The following TBC1D5 variants were observed in gnomAD, a reference collection of about 807,000 sequenced individuals.
TBC1D5 encodes the protein TBC1 domain family member 5.
TBC1D5 carries 75 observed loss-of-function variants against 100.3 expected under a neutral mutation model. That is an observed-to-expected ratio of 0.75 (90% confidence interval 0.62 to 0.91). TBC1D5 has a LOEUF of 0.91. TBC1D5 is among the 40% of genes least tolerant of loss of function. The pLI, the probability that TBC1D5 is intolerant of heterozygous loss-of-function variation, is 0.00. For missense variants in TBC1D5, 910 were observed against 942.4 expected, an observed-to-expected ratio of 0.97 and a Z score of 0.45; for synonymous variants, 323 against 325.6, an observed-to-expected ratio of 0.99 and a Z score of 0.09.
chr3:17,491,384 G>C (rs991013584), intron 3 of TBC1D5, among the ~76,000 whole-genome samples: 6 of 152,144 alleles, frequency 3.9e-5, no homozygotes, highest in African/African-American at 1.4e-4. Flanking sequence ...TTCTTATCTT[G>C]TGCCGGTTTT....
At position 17,448,787 on chromosome 3, in the gene TBC1D5, T is replaced by G. The variant is rs1315715084; in HGVS notation, c.98-20268A>C. Among the ~76,000 whole-genome samples the G allele has an allele frequency of 3.1e-5, 4 of 127,338 alleles. No homozygotes were observed. The East Asian group carries it at 8.5e-4, about 27-fold the overall frequency. 83.5% of individuals were successfully genotyped at this position (127,338 alleles called of 152,430 possible). Reference sequence around the variant, plus strand: ...AGAGCACAGTGAGAGGAGATTTAATTAACTCTTAAGGGCCCTAGGATCCTC... The same window carrying G: ...AGAGCACAGTGAGAGGAGATTTAATGAACTCTTAAGGGCCCTAGGATCCTC... On this transcript the variant is annotated intron_variant, in intron 3 of 21. Transcript: ENST00000253692.
chr3:17,442,936 A>T (rs2094699098), intron 3 of TBC1D5, among the ~76,000 whole-genome samples: 1 of 151,968 alleles, frequency 6.6e-6, no homozygotes, highest in Non-Finnish European at 1.5e-5. Context: ...GGAAGAGGGA[A>T]ATAGAAGGAA....
chr3:17,639,995 C>G (rs559894948), intron 1 of TBC1D5, among the ~76,000 whole-genome samples: 1 of 152,288 alleles, frequency 6.6e-6, no homozygotes, highest in South Asian at 2.1e-4. Flanking sequence ...CATCCCTGCT[C>G]TAGCCCACTC....
intron 1 of TBC1D5, among the ~76,000 whole-genome samples, chr3:17,660,618 G>C (rs2066549238): frequency 6.6e-6 from 1 of 152,154 alleles, no homozygotes; most frequent in Non-Finnish European, 1.5e-5. Context: ...TGTTGTTCTA[G>C]CTATGGACAG....
intron 1 of TBC1D5, among the ~76,000 whole-genome samples, chr3:17,721,571 C>A (rs764031339): frequency 5.3e-5 from 8 of 151,912 alleles, no homozygotes; most frequent in African/African-American, 7.3e-5. Flanking sequence ...TCATAAGTGT[C>A]ATGAAAAATG....
intron 14 of TBC1D5, among the ~76,000 whole-genome samples, chr3:17,295,119 G>A (rs2082121853): frequency 6.6e-6 from 1 of 152,136 alleles, no homozygotes; most frequent in African/African-American, 2.4e-5. Flanking sequence ...GTATGTTTAT[G>A]CTTTAAAAAC....
At chr3:17,566,692 T>G (rs943459361) in intron 2 of TBC1D5, among the ~76,000 whole-genome samples, 4 of 151,906 alleles carry the variant, frequency 2.6e-5, no homozygotes, top group Non-Finnish European at 5.9e-5. Flanking sequence ...TCTGTTTTAC[T>G]GTCTGTATCC....
At chr3:17,382,921 T>C (rs1284660614) in intron 9 of TBC1D5, among the ~76,000 whole-genome samples, 1 of 152,074 alleles carries the variant, frequency 6.6e-6, no homozygotes, top group African/African-American at 2.4e-5. Flanking sequence ...AGACATGTTA[T>C]AGCTTTTGGT....
chr3:17,368,991 G>A (rs1316380405), intron 13 of TBC1D5, among the ~76,000 whole-genome samples: 1 of 152,096 alleles, frequency 6.6e-6, no homozygotes, highest in Non-Finnish European at 1.5e-5. Flanking sequence ...ATAAACAGTA[G>A]CACAGCAATT....
chr3:17,185,807 G>GC (rs2068974746), intron 18 of TBC1D5, among the ~76,000 whole-genome samples: 1 of 152,046 alleles, frequency 6.6e-6, no homozygotes, highest in South Asian at 2.1e-4. Context: ...TGCCTCAGCA[G>GC]CCCATAAATT....
Position 17,297,887 on chromosome 3 carries a change from C to T in TBC1D5, c.1139-5886G>A, listed in dbSNP as rs892683819. Among the ~76,000 whole-genome samples the T allele has an allele frequency of 4.6e-5, 7 of 151,978 alleles. 1 individual carries two copies. In the South Asian group the frequency reaches 1.4e-3, roughly 31 times the overall value. On this transcript the variant is annotated intron_variant, in intron 14 of 21. Transcript: ENST00000253692. ...TTACAGGCATGATGAGCCACTACAC[C>T]TCGCCAAAACAAAGTCTTTTAATGC...
intron 8 of TBC1D5, among the ~76,000 whole-genome samples, chr3:17,390,608 A>G (rs759485201): frequency 2.6e-5 from 4 of 152,122 alleles, no homozygotes; most frequent in Admixed American, 6.6e-5. Flanking sequence ...ACTTGAAGGA[A>G]CAATAACTGT....
At chr3:17,702,111 T>C (rs1429792629) in intron 1 of TBC1D5, 1 of 152,202 alleles carries the variant, frequency 6.6e-6, no homozygotes, top group Non-Finnish European at 1.5e-5. Flanking sequence ...TTCAATTATA[T>C]TGAAACAAAC....
At chr3:17,162,897 G>A (rs2066210910) in intron 21 of TBC1D5, among the ~76,000 whole-genome samples, 1 of 152,180 alleles carries the variant, frequency 6.6e-6, no homozygotes, top group African/African-American at 2.4e-5. Flanking sequence ...CAGTTGTCCT[G>A]CACTGTAAAC....
At chr3:17,236,981 A>G (rs886200990) in intron 17 of TBC1D5, among the ~76,000 whole-genome samples, 3 of 152,190 alleles carry the variant, frequency 2.0e-5, no homozygotes, top group African/African-American at 7.2e-5. Flanking sequence ...TATCATTGGG[A>G]AAGAAAGTCC....
intron 15 of TBC1D5, among the ~76,000 whole-genome samples, chr3:17,276,498 C>T (rs1395901272): frequency 1.3e-5 from 2 of 152,186 alleles, no homozygotes; most frequent in African/African-American, 2.4e-5. Context: ...AGAGACATGC[C>T]GGCTTTACAT....
chr3:17,506,757 T>C (rs1182085601), intron 3 of TBC1D5, among the ~76,000 whole-genome samples: 1 of 152,110 alleles, frequency 6.6e-6, no homozygotes, highest in Non-Finnish European at 1.5e-5. Context: ...TAAAATGTTA[T>C]TTTAACCAGG....
chr3:17,674,170 A>C lies in TBC1D5; in HGVS notation c.-100-50257T>G, dbSNP rs571181822. Reference sequence around the variant, plus strand: ...TGAAACCGTAAAGAAATTCAGTACCACAAGTACAAGTTTTTCCATCTTGTG... The same window carrying C: ...TGAAACCGTAAAGAAATTCAGTACCCCAAGTACAAGTTTTTCCATCTTGTG... On this transcript the variant is annotated intron_variant, in intron 1 of 21. Transcript: ENST00000253692. 3.3e-5 allele frequency among the ~76,000 whole-genome samples: 5 copies of C among 152,242 alleles called. No homozygotes were observed. In the South Asian group the frequency reaches 1.0e-3, roughly 32 times the overall value.
chr3:17,302,237 A>T (rs1159015914), intron 14 of TBC1D5, among the ~76,000 whole-genome samples: 2 of 152,128 alleles, frequency 1.3e-5, no homozygotes, highest in African/African-American at 4.8e-5. Flanking sequence ...CTTGTAGATA[A>T]TATCACTCCA....
Sources: allele counts gnomAD v4.1 joint callset (sites outside exome capture counted in the v4.1 genomes callset), GRCh38; gene constraint gnomAD v4.1.1; transcripts MANE v1.5; gene names NCBI Gene and HGNC (gene_info 2026-07-23, HGNC 2026-07-21).